Variants in SIPA1L1 observed in about 807,000 individuals in gnomAD.
SIPA1L1 encodes signal induced proliferation associated 1 like 1.
SIPA1L1 carries 26 observed loss-of-function variants against 162.7 expected under a neutral mutation model. That is an observed-to-expected ratio of 0.16 (90% CI 0.12 to 0.22). The LOEUF is 0.22. SIPA1L1 is among the 10% of genes least tolerant of loss of function. The probability of loss-of-function intolerance (pLI) is 1.00; values close to 1 mark genes in which losing one functional copy is unlikely to be tolerated. For synonymous variants in SIPA1L1, 829 were observed against 837.4 expected (o/e 0.99, Z 0.17); for missense variants, 1,874 against 2,241.0 (o/e 0.84, Z 3.31).
Position 71,559,144 on chromosome 14 carries a change from T to C in SIPA1L1, c.-302-28427T>C, listed in dbSNP as rs1316553763. On this transcript the variant is annotated intron_variant, in intron 4 of 23. Transcript: ENST00000381232. Reference sequence around the variant, plus strand: ...GTGCAGTGGCGCTATCTCAGCTCATTGCAACCTCCGCCTCCCTGGTTCAAG... The same window carrying C: ...GTGCAGTGGCGCTATCTCAGCTCATCGCAACCTCCGCCTCCCTGGTTCAAG... Among the ~76,000 whole-genome samples the C allele has an allele frequency of 2.6e-5, 4 of 151,940 alleles. No individual in the cohort carries two copies. In the East Asian group the frequency reaches 7.7e-4, roughly 29 times the overall value.
At position 71,589,009 on chromosome 14, in the gene SIPA1L1, A is replaced by C; in HGVS notation, c.1137A>C (p.Ser379=). ...ASLVSGPLSH[S]ASFSSPMGST... ...TGGTCTCTGGACCTCTGTCTCATTC[A>C]GCCAGTTTTAGCTCCCCAATGGGCA... Residue 379 remains serine, a synonymous_variant, in exon 5 of 24, where the codon TCA becomes TCC. Coordinates refer to ENST00000381232, the MANE Select transcript of SIPA1L1 (RefSeq NM_001386936.1). 1 of 1,614,130 alleles carries C rather than the reference A, an allele frequency of 6.2e-7. No individual in the cohort carries two copies. The highest frequency in any genetic ancestry group is 8.5e-7 in the Non-Finnish European group (1 of 1,179,988).
At chr14:71,459,458 CAGAGAGAG>C (rs142623080) in intron 2 of SIPA1L1, among the ~76,000 whole-genome samples, 6 of 148,196 alleles carry the variant, frequency 4.0e-5, no homozygotes, top group South Asian at 2.1e-4. Context: ...TCTATCCATC[CAGAGAGAG>C]AGAGAGAGAG....
chr14:71,637,260 C>G (rs1357628577), intron 7 of SIPA1L1, among the ~76,000 whole-genome samples: 1 of 151,922 alleles, frequency 6.6e-6, no homozygotes, highest in East Asian at 1.9e-4. Context: ...CCTCAGTATT[C>G]ATGGTTTCGC....
In SIPA1L1 at chr14:71,429,850, A is replaced by G. The variant is rs116105587; in HGVS notation, c.-464-82893A>G. 1.4e-3 allele frequency among the ~76,000 whole-genome samples: 215 copies of G among 152,332 alleles called. 1 individual carries two copies. The highest frequency in any genetic ancestry group is 4.8e-3 in the African/African-American group (201 of 41,580). On this transcript the variant is annotated intron_variant, in intron 2 of 23. Transcript: ENST00000381232. The stretch of plus-strand genomic sequence containing the variant: ...TTGAAGTTGAAGGCTAGTTTTATTC[A>G]TTGCACTGTATTTTGCTATCAGATG...
chr14:71,449,406 A>G lies in SIPA1L1; in HGVS notation c.-464-63337A>G, dbSNP rs561934322. 2.0e-5 allele frequency among the ~76,000 whole-genome samples: 3 copies of G among 152,358 alleles called. No homozygotes were observed. The South Asian group carries it at 6.2e-4, about 32-fold the overall frequency. Reference sequence around the variant, plus strand: ...GGGAAGAGTAATTGAGACAATGGGCAGAATTCTACCTGGTGAGTAATTTAC... The same window carrying G: ...GGGAAGAGTAATTGAGACAATGGGCGGAATTCTACCTGGTGAGTAATTTAC... On this transcript the variant is annotated intron_variant, in intron 2 of 23. Coordinates refer to ENST00000381232, the MANE Select transcript of SIPA1L1 (RefSeq NM_001386936.1).
rs532771672 is a variant in SIPA1L1 at position 71,427,268 on chromosome 14, G to A, written c.-464-85475G>A. On this transcript the variant is annotated intron_variant, in intron 2 of 23. Transcript: ENST00000381232. ...TTTTGTCTGAGAATGTCTTCATTTC[G>A]CACCCACTTTTGAAGGACAGTTTTG... Among the ~76,000 whole-genome samples the A allele has an allele frequency of 5.3e-5, 8 of 151,618 alleles. 1 individual carries two copies. In the East Asian group the frequency reaches 5.8e-4, roughly 11 times the overall value.
intron 4 of SIPA1L1, among the ~76,000 whole-genome samples, chr14:71,568,284 G>T (rs2078022205): frequency 6.6e-6 from 1 of 152,244 alleles, no homozygotes; most frequent in African/African-American, 2.4e-5. Flanking sequence ...TAATCCTAAG[G>T]GTTGTAGAGG....
chr14:71,681,093 A>G, intron 12 of SIPA1L1, among the ~76,000 whole-genome samples: 1 of 152,218 alleles, frequency 6.6e-6, no homozygotes, highest in Admixed American at 6.5e-5. Context: ...TGAGGCTGGG[A>G]GAAGTTCAGT....
intron 3 of SIPA1L1, among the ~76,000 whole-genome samples, chr14:71,520,388 CTTA>C (rs1427037849): frequency 6.6e-6 from 1 of 152,058 alleles, no homozygotes; most frequent in Non-Finnish European, 1.5e-5. Flanking sequence ...AGTGTTTTTG[CTTA>C]TTATTTATTT....
chr14:71,679,471 T>G (rs1039573768), intron 12 of SIPA1L1, among the ~76,000 whole-genome samples: 8 of 152,222 alleles, frequency 5.3e-5, no homozygotes, highest in Non-Finnish European at 1.2e-4. Context: ...TACCAGCCAC[T>G]GCAAAAACAT....
At chr14:71,436,505 A>G (rs530839265) in intron 2 of SIPA1L1, among the ~76,000 whole-genome samples, 8 of 152,194 alleles carry the variant, frequency 5.3e-5, no homozygotes, top group African/African-American at 1.9e-4. Flanking sequence ...TTATTGAACA[A>G]TTTATCTTTT....
At chr14:71,323,310 A>G (rs1291172545) in intron 2 of SIPA1L1, among the ~76,000 whole-genome samples, 6 of 152,238 alleles carry the variant, frequency 3.9e-5, no homozygotes, top group Admixed American at 3.9e-4. Flanking sequence ...TTTTAGATAA[A>G]TGACTGTTTT....
intron 2 of SIPA1L1, among the ~76,000 whole-genome samples, chr14:71,323,068 C>T (rs1031274540): frequency 2.0e-4 from 30 of 152,218 alleles, no homozygotes; most frequent in Non-Finnish European, 7.3e-5. Flanking sequence ...TCTGTCCTTA[C>T]ACTAGTATTT....
Position 71,488,881 on chromosome 14 carries a change from A to T in SIPA1L1, c.-464-23862A>T, listed in dbSNP as rs1011660294. On this transcript the variant is annotated intron_variant, in intron 2 of 23. Coordinates refer to ENST00000381232, the MANE Select transcript of SIPA1L1 (RefSeq NM_001386936.1). ...CATTCTTTTATACTGAGCACTCGGA[A>T]ATTGGTTTTCCCAAACCATCTTAGT... Among the ~76,000 whole-genome samples, 4 of 152,328 alleles carry T rather than the reference A, an allele frequency of 2.6e-5. No individual in the cohort carries two copies. The East Asian group carries it at 5.8e-4, about 22-fold the overall frequency.
intron 2 of SIPA1L1, among the ~76,000 whole-genome samples, chr14:71,327,358 A>G (rs1447243638): frequency 2.6e-5 from 4 of 152,216 alleles, no homozygotes; most frequent in African/African-American, 9.6e-5. Context: ...TGCTGGGATT[A>G]CAGGCATGAG....
chr14:71,580,747 G>A lies in SIPA1L1; in HGVS notation c.-302-6824G>A, dbSNP rs894758120. Among the ~76,000 whole-genome samples, 4 of 152,024 alleles carry A rather than the reference G, an allele frequency of 2.6e-5. No homozygotes were observed. The East Asian group carries it at 7.7e-4, about 29-fold the overall frequency. On this transcript the variant is annotated intron_variant, in intron 4 of 23. Transcript: ENST00000381232. ...AACAAAGTATAGTATCTTAGAATTA[G>A]TATTTAAACGTGTGGTCATCATACT...
At chr14:71,591,533 C>T (rs192686097) in intron 5 of SIPA1L1, among the ~76,000 whole-genome samples, 19 of 152,240 alleles carry the variant, frequency 1.2e-4, no homozygotes, top group Non-Finnish European at 8.8e-5. Flanking sequence ...CCCACTAATC[C>T]AGTAGTTACT....
At chr14:71,653,900 A>G (rs2042842523) in intron 8 of SIPA1L1, among the ~76,000 whole-genome samples, 1 of 152,196 alleles carries the variant, frequency 6.6e-6, no homozygotes, top group South Asian at 2.1e-4. Context: ...GGAAAGTAGA[A>G]TAGATCCCAG....
chr14:71,471,114 G>C (rs1335721941), intron 2 of SIPA1L1, among the ~76,000 whole-genome samples: 1 of 152,110 alleles, frequency 6.6e-6, no homozygotes, highest in African/African-American at 2.4e-5. Context: ...AAAGTGCTGG[G>C]ATTACAGGCG....
Sources: allele counts gnomAD v4.1 joint callset (sites outside exome capture counted in the v4.1 genomes callset), GRCh38; gene constraint gnomAD v4.1.1; transcripts MANE v1.5; gene names NCBI Gene and HGNC (gene_info 2026-07-23, HGNC 2026-07-21).